Variants in PPP2R2D observed in about 807,000 individuals in gnomAD.
PPP2R2D encodes the protein protein phosphatase 2 regulatory subunit Bdelta, also known as serine/threonine-protein phosphatase 2A 55 kDa regulatory subunit B delta isoform.
PPP2R2D carries 9 observed loss-of-function variants against 31.1 expected under a neutral mutation model. The observed-to-expected ratio is 0.29, with a 90% CI of 0.17 to 0.51. PPP2R2D has a LOEUF of 0.51. Ranked by LOEUF, PPP2R2D falls within the 20% of genes least tolerant of loss-of-function variation. The probability of loss-of-function intolerance (pLI) is 0.98; values close to 1 mark genes in which losing one functional copy is unlikely to be tolerated. For missense variants in PPP2R2D, 391 were observed against 465.6 expected, an observed-to-expected ratio of 0.84 and a Z score of 1.48; for synonymous variants, 179 against 172.6, an observed-to-expected ratio of 1.04 and a Z score of -0.29.
At chr10:131,936,437 C>A (rs1301601655) in intron 3 of PPP2R2D, among the ~76,000 whole-genome samples, 2 of 152,104 alleles carry the variant, frequency 1.3e-5, no homozygotes, top group African/African-American at 4.8e-5. Context: ...TGGGCCACCA[C>A]GCCTGGCCAG....
downstream of PPP2R2D, among the ~76,000 whole-genome samples, chr10:131,962,195 G>T (rs899931681): frequency 6.6e-6 from 1 of 152,166 alleles, no homozygotes; most frequent in African/African-American, 2.4e-5. Context: ...ATCGAGCAGC[G>T]GGGCTCGCAG....
intron 8 of PPP2R2D, among the ~76,000 whole-genome samples, chr10:131,952,098 AG>A (rs1477250024): frequency 5.0e-5 from 3 of 60,310 alleles, no homozygotes; most frequent in Non-Finnish European, 6.6e-5. Flanking sequence ...GCGGGTGTGC[AG>A]GGGGGTTCGC....
chr10:131,952,723 C>G (rs1158556119), intron 8 of PPP2R2D, among the ~76,000 whole-genome samples: 19 of 64,024 alleles, frequency 3.0e-4, no homozygotes, highest in Admixed American at 4.7e-4. Flanking sequence ...TGCGGGTGTG[C>G]GGGGTTCACT....
chr10:131,963,011 A>G (rs1331364163), downstream of PPP2R2D, among the ~76,000 whole-genome samples: 2 of 152,184 alleles, frequency 1.3e-5, no homozygotes, highest in African/African-American at 4.8e-5. Flanking sequence ...AAAAATACAA[A>G]AAATTTAGCC....
the PPP2R2D span, chr10:131,970,832 G>A: frequency 1.9e-6 from 3 of 1,614,208 alleles, no homozygotes; most frequent in Non-Finnish European, 2.5e-6. The surrounding 1 kb of genome is among the most constrained non-coding windows in gnomAD (Gnocchi z 4.1). Flanking sequence ...CTCTGTCAAG[G>A]GGTGCCCCCG....
At chr10:131,953,144 C>G (rs1306240181) in intron 8 of PPP2R2D, among the ~76,000 whole-genome samples, 1 of 82,476 alleles carries the variant, frequency 1.2e-5, no homozygotes, top group Non-Finnish European at 2.2e-5. Context: ...TGCAGGTTTG[C>G]GGGGGTTCAC....
chr10:131,946,888 C>CTT (rs1339680092), intron 7 of PPP2R2D, among the ~76,000 whole-genome samples: 3 of 152,008 alleles, frequency 2.0e-5, no homozygotes, highest in Non-Finnish European at 4.4e-5. Context: ...CACAGTAGAG[C>CTT]TTGTGTATAT....
At position 131,956,990 on chromosome 10, in the gene PPP2R2D, T is replaced by C. The variant is rs553001348; in HGVS notation, c.*1027T>C. 1.4e-4 allele frequency: 21 copies of C among 152,390 alleles called. No individual in the cohort carries two copies. Among genetic ancestry groups the C allele is most frequent in the African/African-American group, 4.8e-4 (20 of 41,584 alleles). The allele number at this position is 152,390 out of a possible 1,614,324, so 9.4% of individuals were successfully genotyped here. On this transcript the variant is annotated 3_prime_UTR_variant, in exon 9 of 9. Coordinates refer to ENST00000455566, the MANE Select transcript of PPP2R2D (RefSeq NM_018461.5). ...AGCCAGCAAAATTAAGCAATTTTAA[T>C]TACACGATGCCACCAGTACGTTGGT...
In PPP2R2D at chr10:131,958,543, C is replaced by G. The variant is rs1420717838; in HGVS notation, c.*2580C>G. On this transcript the variant is annotated 3_prime_UTR_variant, in exon 9 of 9. Transcript: ENST00000455566. ...GAAGGTGTGTGCTGATCCCCCATCC[C>G]CCTGTGGAGATGAAGGGGTATGCTG... is the stretch of plus-strand genomic sequence containing the variant. The G allele has an allele frequency of 9.8e-6, 2 of 204,720 alleles. No individual in the cohort carries two copies. The highest frequency in any genetic ancestry group is 5.1e-5 in the African/African-American group (2 of 39,254). 12.7% of individuals were successfully genotyped at this position (204,720 alleles called of 1,614,324 possible). A position where few individuals can be genotyped will look rare whatever the true frequency, so the allele number is the denominator to read the frequency against.
intron 2 of PPP2R2D, among the ~76,000 whole-genome samples, chr10:131,932,360 A>G (rs2036250614): frequency 2.0e-5 from 3 of 152,162 alleles, no homozygotes. Flanking sequence ...GAACGCAGCC[A>G]TGGTGAAGTT....
chr10:131,969,880 GGTGA>G, the PPP2R2D span: 1 of 152,372 alleles, frequency 6.6e-6, no homozygotes, highest in Non-Finnish European at 1.5e-5. Flanking sequence ...TTTTCTGCAG[GGTGA>G]GTGAGTATAA....
intron 3 of PPP2R2D, among the ~76,000 whole-genome samples, chr10:131,935,830 G>A (rs893324608): frequency 6.6e-5 from 10 of 152,114 alleles, no homozygotes; most frequent in South Asian, 2.1e-4. Context: ...TTGGGAGGCC[G>A]AGGTGGGCTG....
At chr10:131,917,335 G>C (rs1259518083) in intron 2 of PPP2R2D, among the ~76,000 whole-genome samples, 1 of 131,104 alleles carries the variant, frequency 7.6e-6, no homozygotes, top group South Asian at 2.7e-4. Flanking sequence ...GACCTCAGGC[G>C]GGTGGGATGA....
intron 8 of PPP2R2D, among the ~76,000 whole-genome samples, chr10:131,952,430 G>A (rs1331416695): frequency 1.1e-5 from 1 of 91,470 alleles, no homozygotes; most frequent in Non-Finnish European, 2.0e-5. Flanking sequence ...GGGGTTCACT[G>A]TCTTAGCAGT....
intron 2 of PPP2R2D, among the ~76,000 whole-genome samples, chr10:131,903,747 G>A (rs2035539193): frequency 6.6e-6 from 1 of 152,142 alleles, no homozygotes; most frequent in African/African-American, 2.4e-5. Flanking sequence ...AGTCACCATC[G>A]ATTTGTCCCA....
intron 5 of PPP2R2D, among the ~76,000 whole-genome samples, chr10:131,942,603 A>G (rs1393600179): frequency 6.6e-6 from 1 of 152,218 alleles, no homozygotes; most frequent in African/African-American, 2.4e-5. Context: ...ATGGTGGCTC[A>G]TACCTGTAAT....
At position 131,945,193 on chromosome 10, in the gene PPP2R2D, C is replaced by T. The variant is rs2036512616; in HGVS notation, c.656-102C>T. On this transcript the variant is annotated intron_variant, in intron 6 of 8. Transcript: ENST00000455566. This position sits in a 1 kb window ranked among gnomAD's most constrained non-coding sequence, Gnocchi z 4.8. ...CCTTCTTAATAGCTAATCCCTTAAA[C>T]CTCACTGCGTGGATTATTTGGCGTC... 1.9e-5 allele frequency: 26 copies of T among 1,366,782 alleles called. 1 individual carries two copies. In the South Asian group the frequency reaches 2.8e-4, roughly 15 times the overall value. The allele number at this position is 1,366,782 out of a possible 1,614,324, so 84.7% of individuals were successfully genotyped here. A position where few individuals can be genotyped will look rare whatever the true frequency, so the allele number is the denominator to read the frequency against.
chr10:131,930,165 C>T (rs782318865), intron 2 of PPP2R2D, among the ~76,000 whole-genome samples: 13 of 152,192 alleles, frequency 8.5e-5, no homozygotes, highest in Non-Finnish European at 1.5e-4. Flanking sequence ...TTTTCACTTT[C>T]CTAGGTCTAA....
In PPP2R2D at chr10:131,901,225, G is replaced by A. The variant is rs1463689338; in HGVS notation, c.8-13G>A. 10 of 346,750 alleles carry A rather than the reference G, an allele frequency of 2.9e-5. No homozygotes were observed. Among genetic ancestry groups the A allele is most frequent in the South Asian group, 2.7e-4 (2 of 7,470 alleles). The allele number at this position is 346,750 out of a possible 1,614,324, so 21.5% of individuals were successfully genotyped here. The stretch of plus-strand genomic sequence containing the variant: ...GGGCCGCGGCCGGCCTGACCGCCCC[G>A]TTGTGTTTGCAGGAGCCGGAGGCGG... On this transcript the variant is annotated splice_polypyrimidine_tract_variant and intron_variant, in intron 1 of 8. Coordinates refer to ENST00000455566, the MANE Select transcript of PPP2R2D (RefSeq NM_018461.5).
Sources: gnomAD v4.1 joint callset for allele counts (sites outside exome capture counted in the v4.1 genomes callset) on GRCh38, gnomAD v4.1.1 for gene constraint, Gnocchi (gnomAD v3.1) non-coding constraint, MANE v1.5 for transcripts, NCBI Gene and HGNC (gene_info 2026-07-23, HGNC 2026-07-21) for gene names.